Variants in EXOC6B observed in about 807,000 individuals in gnomAD.
EXOC6B encodes the protein exocyst complex component 6B.
A neutral mutation model predicts 113.5 loss-of-function variants in EXOC6B; 54 were observed. The ratio of observed to expected loss-of-function variants is 0.48; its 90% CI spans 0.38 to 0.60. EXOC6B has a LOEUF of 0.60. Ranked by LOEUF, EXOC6B falls within the 20% of genes least tolerant of loss-of-function variation. The pLI is 0.00. For missense variants in EXOC6B, 797 were observed against 977.5 expected (o/e 0.82, Z 2.46); for synonymous variants, 357 against 339.0 (o/e 1.05, Z -0.58).
intron 20 of EXOC6B, among the ~76,000 whole-genome samples, chr2:72,292,412 C>T (rs1000318095): frequency 2.6e-5 from 4 of 151,986 alleles, no homozygotes; most frequent in Non-Finnish European, 5.9e-5. Context: ...GGGAGGTTCC[C>T]CTGATGATAA....
chr2:72,496,522 C>T lies in EXOC6B; in HGVS notation c.1375G>A (p.Val459Ile), dbSNP rs1216611216. 2 of 1,597,998 alleles carry T rather than the reference C, an allele frequency of 1.3e-6. No homozygotes were observed. Among genetic ancestry groups the T allele is most frequent in the African/African-American group, 2.7e-5 (2 of 74,620 alleles). The part of the protein sequence containing the change: ...LDSDNYSPIP[V>I]TSEEMYKKVV... ...TTTTTGTACATCTCTTCACTTGTTA[C>T]TGGTATAGGACTGTAGTTGTCAGAA... is the stretch of plus-strand genomic sequence containing the variant. The change falls in exon 14 of 22, where the codon GTA becomes ATA. Residue 459 changes from valine (V) to isoleucine (I), a missense_variant. Transcript: ENST00000272427.
intron 1 of EXOC6B, among the ~76,000 whole-genome samples, chr2:72,810,648 C>T (rs79540415): frequency 0.014 from 2,094 of 151,884 alleles, 60 homozygotes; most frequent in African/African-American, 0.049. Flanking sequence ...AGAAAAACAA[C>T]GGAGAAAATC....
chr2:72,311,172 A>C (rs542431747), intron 20 of EXOC6B, among the ~76,000 whole-genome samples: 1 of 152,344 alleles, frequency 6.6e-6, no homozygotes, highest in African/African-American at 2.4e-5. Context: ...AAGCAAGAGA[A>C]TTTTATTACC....
At chr2:72,589,975 G>A (rs775381812) in intron 6 of EXOC6B, among the ~76,000 whole-genome samples, 2 of 152,016 alleles carry the variant, frequency 1.3e-5, no homozygotes, top group Admixed American at 6.6e-5. Context: ...GCCCTCCAAA[G>A]AGGGGAGAAT....
At chr2:72,452,752 T>A (rs1425941377) in intron 18 of EXOC6B, among the ~76,000 whole-genome samples, 1 of 152,220 alleles carries the variant, frequency 6.6e-6, no homozygotes, top group Non-Finnish European at 1.5e-5. Flanking sequence ...ATAGTAGTTA[T>A]ACTTTAAAAT....
chr2:72,339,085 C>T (rs1010422673), intron 19 of EXOC6B, among the ~76,000 whole-genome samples: 1 of 151,826 alleles, frequency 6.6e-6, no homozygotes, highest in African/African-American at 2.4e-5. Flanking sequence ...GTCTGTAAAC[C>T]CAAATTCTCA....
intron 1 of EXOC6B, among the ~76,000 whole-genome samples, chr2:72,771,594 T>C (rs1683407106): frequency 6.6e-6 from 1 of 152,234 alleles, no homozygotes; most frequent in South Asian, 2.1e-4. Context: ...AGATCATGAA[T>C]TACATTTTGT....
chr2:72,633,561 T>C (rs1376393922), intron 6 of EXOC6B, among the ~76,000 whole-genome samples: 1 of 152,188 alleles, frequency 6.6e-6, no homozygotes, highest in Non-Finnish European at 1.5e-5. Flanking sequence ...AATAAATTAC[T>C]TTAGCTCCTA....
At chr2:72,477,344 T>C (rs1171306150) in intron 17 of EXOC6B, among the ~76,000 whole-genome samples, 3 of 152,198 alleles carry the variant, frequency 2.0e-5, no homozygotes, top group Non-Finnish European at 4.4e-5. Context: ...TTCAAAAGTT[T>C]TGGAACTATC....
rs558846393 is a variant in EXOC6B, at chr2:72,187,086, A to AG, written c.2197-2900dup. On this transcript the variant is annotated intron_variant, in intron 20 of 21. Coordinates refer to ENST00000272427, the MANE Select transcript of EXOC6B (RefSeq NM_015189.3). ...TGCTGGGTGCTGCCATGGGGTGGGC[A>AG]GCTCCAGGTGCCGGCATGGGCACCA... Among the ~76,000 whole-genome samples, 35 of 152,288 alleles carry AG rather than the reference A, an allele frequency of 2.3e-4. No homozygotes were observed. In the South Asian group the frequency reaches 6.0e-3, roughly 26 times the overall value.
chr2:72,824,125 C>T (rs911173596), intron 1 of EXOC6B, among the ~76,000 whole-genome samples: 1 of 152,076 alleles, frequency 6.6e-6, no homozygotes, highest in Admixed American at 6.5e-5. Flanking sequence ...GTGGCTCATG[C>T]CTGTAATCCC....
rs544359325 is a variant in EXOC6B at position 72,701,769 on chromosome 2, T to C, written c.669+16334A>G. Among the ~76,000 whole-genome samples the C allele has an allele frequency of 2.6e-5, 4 of 152,336 alleles. No homozygotes were observed. The South Asian group carries it at 8.3e-4, about 32-fold the overall frequency. On this transcript the variant is annotated intron_variant, in intron 6 of 21. Coordinates refer to ENST00000272427, the MANE Select transcript of EXOC6B (RefSeq NM_015189.3). ...TGTAATTTAAAGTCCACATTCTTCATGGTGGTGTGCCATAGCCAGAACATA... is the reference window on the plus strand; with the variant it reads ...TGTAATTTAAAGTCCACATTCTTCACGGTGGTGTGCCATAGCCAGAACATA...
At chr2:72,561,087 G>T (rs1046917551) in intron 7 of EXOC6B, among the ~76,000 whole-genome samples, 2 of 151,954 alleles carry the variant, frequency 1.3e-5, no homozygotes, top group African/African-American at 4.8e-5. Flanking sequence ...CTTTCGGACT[G>T]CAAAGTAGAG....
intron 16 of EXOC6B, among the ~76,000 whole-genome samples, chr2:72,487,473 G>A (rs1056066155): frequency 1.3e-5 from 2 of 152,046 alleles, no homozygotes; most frequent in Non-Finnish European, 1.5e-5. Flanking sequence ...CGATTCTCCC[G>A]GCTCAGCCTC....
At chr2:72,325,135 C>T (rs567008589) in intron 20 of EXOC6B, among the ~76,000 whole-genome samples, 3 of 152,116 alleles carry the variant, frequency 2.0e-5, no homozygotes, top group African/African-American at 7.2e-5. Flanking sequence ...GGCTTCATGC[C>T]CACGTTGAAT....
chr2:72,326,474 C>T (rs1688135740), intron 20 of EXOC6B, among the ~76,000 whole-genome samples: 1 of 152,064 alleles, frequency 6.6e-6, no homozygotes, highest in African/African-American at 2.4e-5. Flanking sequence ...ATTGACAATG[C>T]TGTCTGTGGA....
At chr2:72,384,716 G>A (rs1453405498) in intron 18 of EXOC6B, among the ~76,000 whole-genome samples, 1 of 151,838 alleles carries the variant, frequency 6.6e-6, no homozygotes, top group Non-Finnish European at 1.5e-5. Flanking sequence ...GTTTCTATAT[G>A]CTAACAACAA....
rs573317736 is a variant in EXOC6B, at chr2:72,807,834, T to C, written c.113+17964A>G. On this transcript the variant is annotated intron_variant, in intron 1 of 21. Transcript: ENST00000272427. ...TGGTTCAGAGGAGAAGTAGGGATAG[T>C]TAATGAGTACAAAAAAAAAAAATCA... Among the ~76,000 whole-genome samples the C allele has an allele frequency of 5.1e-5, 7 of 137,174 alleles. No individual in the cohort carries two copies. In the East Asian group the frequency reaches 1.2e-3, roughly 23 times the overall value. The allele number at this position is 137,174 out of a possible 152,430, so 90.0% of individuals were successfully genotyped here. A position where few individuals can be genotyped will look rare whatever the true frequency, so the allele number is the denominator to read the frequency against.
At chr2:72,555,868 A>T (rs1051469747) in intron 8 of EXOC6B, among the ~76,000 whole-genome samples, 2 of 151,954 alleles carry the variant, frequency 1.3e-5, no homozygotes, top group African/African-American at 4.8e-5. Flanking sequence ...CTGGTCTCAA[A>T]CTCCTGACCT....
Sources: gnomAD v4.1 joint callset for allele counts (sites outside exome capture counted in the v4.1 genomes callset) on GRCh38, gnomAD v4.1.1 for gene constraint, MANE v1.5 for transcripts, NCBI Gene and HGNC (gene_info 2026-07-23, HGNC 2026-07-21) for gene names.